The following STAU2 variants were observed in gnomAD, a reference collection of about 807,000 sequenced individuals.
STAU2 encodes the protein staufen double-stranded RNA binding protein 2.
STAU2 carries 20 observed loss-of-function variants against 65.9 expected under a neutral mutation model. The observed-to-expected ratio is 0.30, with a 90% CI of 0.21 to 0.44. The LOEUF (loss-of-function observed/expected upper bound fraction) is 0.44, where lower values mean the gene tolerates loss of function less well. Ranked by LOEUF, STAU2 falls within the 20% of genes least tolerant of loss-of-function variation. STAU2 has a pLI of 1.00. For synonymous variants in STAU2, 232 were observed against 233.9 expected (o/e 0.99, Z 0.07); for missense variants, 558 against 683.9 (o/e 0.82, Z 2.05).
At chr8:73,581,450 G>C (rs1809975827) in intron 12 of STAU2, among the ~76,000 whole-genome samples, 1 of 152,196 alleles carries the variant, frequency 6.6e-6, no homozygotes, top group Non-Finnish European at 1.5e-5. Context: ...TAAAAGACAA[G>C]AGGGAGGAGG....
At chr8:73,425,845 T>G (rs574736921) in intron 13 of STAU2, among the ~76,000 whole-genome samples, 1 of 152,118 alleles carries the variant, frequency 6.6e-6, no homozygotes, top group Admixed American at 6.5e-5. Context: ...CAGGCTGGAG[T>G]GCAGTGGTGT....
At chr8:73,603,483 C>A (rs1441404791) in intron 10 of STAU2, among the ~76,000 whole-genome samples, 1 of 152,218 alleles carries the variant, frequency 6.6e-6, no homozygotes, top group Non-Finnish European at 1.5e-5. Flanking sequence ...AAATGATAAA[C>A]TCCATGGTAA....
intron 9 of STAU2, among the ~76,000 whole-genome samples, chr8:73,607,929 C>T (rs558213097): frequency 6.6e-6 from 1 of 152,210 alleles, no homozygotes; most frequent in African/African-American, 2.4e-5. Context: ...CACTCTGTTA[C>T]AGATTACACG....
At chr8:73,692,780 T>G (rs937643077) in intron 4 of STAU2, among the ~76,000 whole-genome samples, 3 of 152,160 alleles carry the variant, frequency 2.0e-5, no homozygotes, top group Non-Finnish European at 4.4e-5. Flanking sequence ...AGAATTTAGT[T>G]AAATAGTAGG....
chr8:73,690,339 A>AAAAAAAAAAAAG (rs1341698589), intron 4 of STAU2, among the ~76,000 whole-genome samples: 2 of 151,240 alleles, frequency 1.3e-5, no homozygotes, highest in East Asian at 3.9e-4. Flanking sequence ...AAAAAAAAAA[A>AAAAAAAAAAAAG]AAAAAAAGGA....
chr8:73,651,512 G>A, intron 6 of STAU2: 2 of 755,558 alleles, frequency 2.6e-6, no homozygotes, highest in Non-Finnish European at 4.6e-6. Flanking sequence ...CGCACCCCTG[G>A]CTTTCCACTC....
intron 13 of STAU2, among the ~76,000 whole-genome samples, chr8:73,455,584 GAC>G (rs1819019560): frequency 6.6e-6 from 1 of 152,124 alleles, no homozygotes; most frequent in South Asian, 2.1e-4. Context: ...AACCTCCAGA[GAC>G]AGGCCCAGGG....
At chr8:73,546,563 T>C (rs1256817651) in intron 13 of STAU2, among the ~76,000 whole-genome samples, 1 of 152,222 alleles carries the variant, frequency 6.6e-6, no homozygotes, top group African/African-American at 2.4e-5. Context: ...TCCTCCCTAG[T>C]TTATCCATAT....
At position 73,582,780 on chromosome 8, in the gene STAU2, T is replaced by A. The variant is rs142953051; in HGVS notation, c.1212A>T (p.Pro404=). Residue 404 remains proline (P), a synonymous_variant, in exon 12 of 15, where the codon CCA becomes CCT. Coordinates refer to ENST00000524300, the MANE Select transcript of STAU2 (RefSeq NM_001164380.2). ...AAAATGAGAACTTACTATTATTTGTTGGTTCAGGAAACCCAGGCTTTGGAC... is the reference window on the plus strand; with the variant it reads ...AAAATGAGAACTTACTATTATTTGTAGGTTCAGGAAACCCAGGCTTTGGAC... ...WSGPKPGFPE[P]TNNTPKGILH... is the part of the protein sequence containing the mutation. 1.2e-6 allele frequency: 2 copies of A among 1,613,498 alleles called. No homozygotes were observed. The highest frequency in any genetic ancestry group is 2.7e-5 in the African/African-American group (2 of 75,010).
intron 13 of STAU2, among the ~76,000 whole-genome samples, chr8:73,429,402 C>A: frequency 1.2e-5 from 1 of 86,558 alleles, no homozygotes; most frequent in Admixed American, 1.3e-4. Context: ...AATCTATATT[C>A]TTGCTCAGGT....
chr8:73,455,915 G>A (rs900824556), intron 13 of STAU2, among the ~76,000 whole-genome samples: 10 of 152,142 alleles, frequency 6.6e-5, no homozygotes, highest in African/African-American at 1.9e-4. Context: ...ATGGATGGAC[G>A]GACGGATGGA....
intron 6 of STAU2, chr8:73,652,807 C>A (rs1425284849): frequency 6.6e-6 from 1 of 151,754 alleles, no homozygotes; most frequent in Non-Finnish European, 1.5e-5. Flanking sequence ...GTGTAACACA[C>A]ATACACATAC....
chr8:73,636,623 T>C (rs1814535438), intron 6 of STAU2, among the ~76,000 whole-genome samples: 1 of 151,970 alleles, frequency 6.6e-6, no homozygotes, highest in African/African-American at 2.4e-5. Flanking sequence ...AGCACTTTGG[T>C]AGGCTGGGGT....
chr8:73,730,441 T>C (rs28472668), intron 3 of STAU2, among the ~76,000 whole-genome samples: 15,338 of 152,178 alleles, frequency 0.1, 954 homozygotes, highest in African/African-American at 0.17. Context: ...AGAATATATA[T>C]TTTGGCAGGG....
chr8:73,621,706 T>C (rs1328759701), intron 6 of STAU2, among the ~76,000 whole-genome samples: 1 of 152,202 alleles, frequency 6.6e-6, no homozygotes, highest in Non-Finnish European at 1.5e-5. Flanking sequence ...GATCCTACTT[T>C]CATCAGAATT....
intron 13 of STAU2, among the ~76,000 whole-genome samples, chr8:73,476,773 G>A (rs1820346658): frequency 6.6e-6 from 1 of 152,160 alleles, no homozygotes; most frequent in Admixed American, 6.5e-5. Context: ...CTGAGGAAAT[G>A]GTTACATCTT....
In STAU2 at chr8:73,709,654, G is replaced by A. The variant is rs80029253; in HGVS notation, c.-17-492C>T. ...CTAGCTCTTCCAACTACAATTTTTC[G>A]GTAACTCTAAACAAATTAACTCCCC... On this transcript the variant is annotated intron_variant, in intron 3 of 14. Coordinates refer to ENST00000524300, the MANE Select transcript of STAU2 (RefSeq NM_001164380.2). Among the ~76,000 whole-genome samples the A allele has an allele frequency of 3.4e-4, 51 of 151,274 alleles. No individual in the cohort carries two copies. The East Asian group carries it at 5.8e-3, about 17-fold the overall frequency.
chr8:73,460,757 G>A (rs1819312874), intron 13 of STAU2, among the ~76,000 whole-genome samples: 1 of 152,150 alleles, frequency 6.6e-6, no homozygotes, highest in Non-Finnish European at 1.5e-5. Context: ...ACTATACACA[G>A]CTTTATTTTT....
At position 73,718,999 on chromosome 8, in the gene STAU2, C is replaced by A. The variant is rs190477245; in HGVS notation, c.-17-9837G>T. 2.6e-5 allele frequency among the ~76,000 whole-genome samples: 4 copies of A among 152,350 alleles called. 1 individual carries two copies. The highest frequency in any genetic ancestry group is 2.6e-4 in the Admixed American group (4 of 15,308). On this transcript the variant is annotated intron_variant, in intron 3 of 14. Transcript: ENST00000524300. ...ACAGTTTTATTCATTTCTTTCCAAT[C>A]TGAACACCATGCATTTCCTTCTCTT...
Sources: gnomAD v4.1 joint callset for allele counts (sites outside exome capture counted in the v4.1 genomes callset) on GRCh38, gnomAD v4.1.1 for gene constraint, MANE v1.5 for transcripts, NCBI Gene and HGNC (gene_info 2026-07-23, HGNC 2026-07-21) for gene names.